OCIAD2: variants seen among roughly 807,000 people sequenced by gnomAD.
The protein encoded by OCIAD2 is OCIA domain-containing protein 2.
In OCIAD2, 29 loss-of-function variants were observed where a neutral mutation model predicts 22.9. The observed-to-expected ratio is 1.27, with a 90% CI of 0.94 to 1.73. The LOEUF (loss-of-function observed/expected upper bound fraction) is 1.73, where lower values mean the gene tolerates loss of function less well. Ranked by LOEUF, OCIAD2 falls within the 40% of genes most tolerant of loss-of-function variation. The pLI is 0.00. For missense variants in OCIAD2, 189 were observed against 180.3 expected (o/e 1.05, Z -0.28); for synonymous variants, 67 against 60.2 (o/e 1.11, Z -0.52).
chr4:48,886,395 G>T (rs1201543299), intron 6 of OCIAD2, among the ~76,000 whole-genome samples: 1 of 152,140 alleles, frequency 6.6e-6, no homozygotes, highest in Non-Finnish European at 1.5e-5. Flanking sequence ...CAACGTGCAG[G>T]TTTGTTACTT....
intron 6 of OCIAD2, among the ~76,000 whole-genome samples, chr4:48,887,887 A>T (rs1172877971): frequency 5.3e-5 from 8 of 152,204 alleles, no homozygotes; most frequent in African/African-American, 1.9e-4. Flanking sequence ...AGTCATTGGT[A>T]GCTTGATGGG....
intron 1 of OCIAD2, among the ~76,000 whole-genome samples, chr4:48,905,515 A>T (rs888277463): frequency 6.6e-6 from 1 of 152,106 alleles, no homozygotes; most frequent in Non-Finnish European, 1.5e-5. Context: ...TGAATCATCA[A>T]CACCATCACA....
chr4:48,891,474 C>T (rs1781177388), intron 6 of OCIAD2, among the ~76,000 whole-genome samples: 2 of 152,172 alleles, frequency 1.3e-5, no homozygotes, highest in African/African-American at 4.8e-5. Context: ...AACCCCAGAA[C>T]ACAGAGCTTA....
At chr4:48,904,166 A>G (rs1781476950) in intron 2 of OCIAD2, among the ~76,000 whole-genome samples, 1 of 151,432 alleles carries the variant, frequency 6.6e-6, no homozygotes, top group Non-Finnish European at 1.5e-5. Context: ...TTAAAAGTAT[A>G]CCTGACCAGG....
intron 4 of OCIAD2, among the ~76,000 whole-genome samples, chr4:48,895,196 C>T (rs1427427786): frequency 6.6e-6 from 1 of 152,200 alleles, no homozygotes; most frequent in Non-Finnish European, 1.5e-5. Context: ...CAGTGAGACC[C>T]ATTTCAGCAT....
At chr4:48,903,716 G>A (rs1781467066) in intron 2 of OCIAD2, among the ~76,000 whole-genome samples, 1 of 150,264 alleles carries the variant, frequency 6.7e-6, no homozygotes, top group Non-Finnish European at 1.5e-5. Flanking sequence ...CCTGATCTCG[G>A]CTCACTGCAA....
intron 1 of OCIAD2, among the ~76,000 whole-genome samples, chr4:48,904,995 G>T (rs1781496119): frequency 6.6e-6 from 1 of 152,074 alleles, no homozygotes; most frequent in South Asian, 2.1e-4. Flanking sequence ...AAGAAAGCAG[G>T]GTCCATTCCA....
Position 48,906,336 on chromosome 4 carries a change from G to A in OCIAD2, c.-63+322C>T, listed in dbSNP as rs555420052. ...AGGAGGGCGCGCCCCAGCATGGGGGGCGGGGGTGCTTCTTAGGATGGCTTG... is the reference window on the plus strand; with the variant it reads ...AGGAGGGCGCGCCCCAGCATGGGGGACGGGGGTGCTTCTTAGGATGGCTTG... On this transcript the variant is annotated intron_variant, in intron 1 of 6. Transcript: ENST00000508632. Among the ~76,000 whole-genome samples the A allele has an allele frequency of 1.9e-3, 295 of 152,318 alleles. 1 individual carries two copies. In the Middle Eastern group the frequency reaches 0.024, roughly 12 times the overall value.
chr4:48,885,495 A>G lies in OCIAD2; in HGVS notation c.454T>C (p.Ser152Pro). The G allele has an allele frequency of 2.5e-6, 4 of 1,598,662 alleles. No individual in the cohort carries two copies. Among genetic ancestry groups the G allele is most frequent in the Non-Finnish European group, 3.4e-6 (4 of 1,166,002 alleles). The change falls in exon 7 of 7, where the codon TCA becomes CCA. Residue 152 changes from serine (S) to proline (P), a missense_variant. Ser to Pro is a moderately conservative substitution (Grantham distance 74). Coordinates refer to ENST00000508632, the MANE Select transcript of OCIAD2 (RefSeq NM_001014446.3). ...CACAGACACAGAATTTAGGAAGCTG[A>G]AGGCTGAGAGTCTCCCTTCTCACTT... is the stretch of plus-strand genomic sequence containing the variant. ...GLSEKGDSQP[S>P]AS
At chr4:48,889,728 C>T (rs573486341) in intron 6 of OCIAD2, among the ~76,000 whole-genome samples, 1 of 152,308 alleles carries the variant, frequency 6.6e-6, no homozygotes, top group South Asian at 2.1e-4. Context: ...ACTAGAAATA[C>T]CATTTGACCC....
In OCIAD2 at chr4:48,897,788, A is replaced by T. The variant is rs1413445633; in HGVS notation, c.217+16T>A. On this transcript the variant is annotated intron_variant, in intron 4 of 6. Coordinates refer to ENST00000508632, the MANE Select transcript of OCIAD2 (RefSeq NM_001014446.3). ...GCTCTCTGAAATTAGATTATTTAAC[A>T]AATATTGAATCTTACCTTGGTAGAC... 6.3e-7 allele frequency: 1 copy of T among 1,593,716 alleles called. No individual in the cohort carries two copies. Among genetic ancestry groups the T allele is most frequent in the Admixed American group, 1.7e-5 (1 of 59,854 alleles).
chr4:48,888,289 C>T lies in OCIAD2; in HGVS notation c.384-2724G>A, dbSNP rs139190046. On this transcript the variant is annotated intron_variant, in intron 6 of 6. Transcript: ENST00000508632. ...CAATCATGTCATCTGCAAATAGGAACGATCTGACTTCCTCTTTTCCTAATT... is the reference window on the plus strand; with the variant it reads ...CAATCATGTCATCTGCAAATAGGAATGATCTGACTTCCTCTTTTCCTAATT... Among the ~76,000 whole-genome samples, 44 of 152,318 alleles carry T rather than the reference C, an allele frequency of 2.9e-4. No homozygotes were observed. In the East Asian group the frequency reaches 4.0e-3, roughly 14 times the overall value.
At chr4:48,899,774 C>G in intron 3 of OCIAD2, 55 bp downstream of exon 3, 3 of 1,220,190 alleles carry the variant, frequency 2.5e-6, no homozygotes, top group Non-Finnish European at 3.6e-6. Context: ...TACCACAATT[C>G]TAATATGATA....
At chr4:48,899,745 C>T (rs1781375669) in intron 3 of OCIAD2, 84 bp downstream of exon 3, 1 of 914,002 alleles carries the variant, frequency 1.1e-6, no homozygotes, top group African/African-American at 1.7e-5. Context: ...TGCAAAGTCT[C>T]TGCTCAAACG....
chr4:48,905,735 G>C (rs1285581890), intron 1 of OCIAD2, among the ~76,000 whole-genome samples: 1 of 152,198 alleles, frequency 6.6e-6, no homozygotes, highest in Non-Finnish European at 1.5e-5. Flanking sequence ...AAGGGGACCC[G>C]TACTCGCACC....
chr4:48,892,857 C>A lies in OCIAD2; in HGVS notation c.298G>T (p.Val100Leu). 6.2e-7 allele frequency: 1 copy of A among 1,610,322 alleles called. No individual in the cohort carries two copies. Among genetic ancestry groups the A allele is most frequent in the African/African-American group, 1.3e-5 (1 of 74,874 alleles). ...AGLLGFGLGK[V>L]SYIGVCQSKF... is the part of the protein sequence containing the mutation. ...CTCTGGCATACTCCTATGTATGATA[C>A]CTTTCCAAGGCCAAATCCCAAGAGA... The change falls in exon 6 of 7, where the codon GTA becomes TTA. Residue 100 changes from valine (V) to leucine (L), a missense_variant. Coordinates refer to ENST00000508632, the MANE Select transcript of OCIAD2 (RefSeq NM_001014446.3).
rs1360288125 is a variant in OCIAD2 at position 48,885,172 on chromosome 4, A to G, written c.*312T>C. On this transcript the variant is annotated 3_prime_UTR_variant, in exon 7 of 7. Transcript: ENST00000508632. ...CCTGGCTAATTTTTATATTTTTAGC[A>G]GAGATGGGGTTTCACCATGTTGGCC... is the stretch of plus-strand genomic sequence containing the variant. The G allele has an allele frequency of 4.9e-6, 1 of 205,014 alleles. No homozygotes were observed. The highest frequency in any genetic ancestry group is 2.3e-5 in the African/African-American group (1 of 43,060). The allele number at this position is 205,014 out of a possible 1,614,324, so 12.7% of individuals were successfully genotyped here.
chr4:48,893,877 T>C, intron 5 of OCIAD2, 129 bp downstream of exon 5: 1 of 421,982 alleles, frequency 2.4e-6, no homozygotes, highest in South Asian at 8.4e-5. Flanking sequence ...ATACAAGGTT[T>C]CACCATGCTG....
At position 48,892,837 on chromosome 4, in the gene OCIAD2, G is replaced by A; in HGVS notation, c.318C>T (p.Cys106=). The A allele has an allele frequency of 6.2e-7, 1 of 1,612,788 alleles. No individual in the cohort carries two copies. The highest frequency in any genetic ancestry group is 1.1e-5 in the South Asian group (1 of 90,814). Reference sequence around the variant, plus strand: ...CTTCAAAAAAATGGAATTTACTCTGGCATACTCCTATGTATGATACCTTTC... The same window carrying A: ...CTTCAAAAAAATGGAATTTACTCTGACATACTCCTATGTATGATACCTTTC... ...GLGKVSYIGV[C]QSKFHFFEDQ... Residue 106 remains cysteine, a synonymous_variant, in exon 6 of 7, where the codon TGC becomes TGT. Coordinates refer to ENST00000508632, the MANE Select transcript of OCIAD2 (RefSeq NM_001014446.3).
Sources: gnomAD v4.1 joint callset for allele counts (sites outside exome capture counted in the v4.1 genomes callset) on GRCh38, gnomAD v4.1.1 for gene constraint, MANE v1.5 for transcripts, NCBI Gene and HGNC (gene_info 2026-07-23, HGNC 2026-07-21) for gene names.